Variants in R3HCC1L observed in about 807,000 individuals in gnomAD.
R3HCC1L encodes R3H domain and coiled-coil containing 1 like.
R3HCC1L carries 51 observed loss-of-function variants against 59.9 expected under a neutral mutation model. That is an observed-to-expected ratio of 0.85 (90% CI 0.68 to 1.07). The LOEUF (loss-of-function observed/expected upper bound fraction) is 1.07, where lower values mean the gene tolerates loss of function less well. Ranked by LOEUF, R3HCC1L falls within the 50% of genes least tolerant of loss-of-function variation. The pLI, the probability that R3HCC1L is intolerant of heterozygous loss-of-function variation, is 0.00. For missense variants in R3HCC1L, 965 were observed against 933.0 expected (o/e 1.03, Z -0.45); for synonymous variants, 322 against 315.2 (o/e 1.02, Z -0.23).
At chr10:98,230,907 C>T (rs1370144919) in intron 5 of R3HCC1L, 1 of 179,074 alleles carries the variant, frequency 5.6e-6, no homozygotes, top group African/African-American at 2.4e-5. Context: ...CCTTCACTAG[C>T]CTGCTATATG....
chr10:98,168,740 T>A (rs770922665), intron 4 of R3HCC1L, among the ~76,000 whole-genome samples: 2 of 152,208 alleles, frequency 1.3e-5, no homozygotes, highest in Non-Finnish European at 2.9e-5. Flanking sequence ...CAGTTGGTAT[T>A]TGATGTACAG....
chr10:98,137,539 T>G (rs1318294516), intron 1 of R3HCC1L, among the ~76,000 whole-genome samples: 2 of 152,248 alleles, frequency 1.3e-5, no homozygotes, highest in Non-Finnish European at 2.9e-5. Context: ...TCATCCTTAA[T>G]TCACAAACTT....
At position 98,162,923 on chromosome 10, in the gene R3HCC1L, C is replaced by G. The variant is rs1847583960; in HGVS notation, c.-172C>G. On this transcript the variant is annotated 5_prime_UTR_variant, in exon 3 of 10. The change creates a new upstream start codon in the 5' untranslated region. Coordinates refer to ENST00000298999, the MANE Select transcript of R3HCC1L (RefSeq NM_001351015.2). Reference sequence around the variant, plus strand: ...ATGTTGTCCAGGCTGGTGTCGAAATCCTGAGCTCAAGTGGTCTGCCTGCCT... The same window carrying G: ...ATGTTGTCCAGGCTGGTGTCGAAATGCTGAGCTCAAGTGGTCTGCCTGCCT... 1 of 152,444 alleles carries G rather than the reference C, an allele frequency of 6.6e-6. No individual in the cohort carries two copies. Among genetic ancestry groups the G allele is most frequent in the South Asian group, 2.1e-4 (1 of 4,832 alleles). The allele number at this position is 152,444 out of a possible 1,614,324, so 9.4% of individuals were successfully genotyped here. A position where few individuals can be genotyped will look rare whatever the true frequency, so the allele number is the denominator to read the frequency against.
chr10:98,201,350 C>G (rs879588021), intron 4 of R3HCC1L, among the ~76,000 whole-genome samples: 1 of 152,134 alleles, frequency 6.6e-6, no homozygotes, highest in Non-Finnish European at 1.5e-5. Flanking sequence ...TTTTGCATAT[C>G]ATTTGAAGAG....
chr10:98,144,458 C>T (rs1845462915), intron 1 of R3HCC1L, among the ~76,000 whole-genome samples: 1 of 152,058 alleles, frequency 6.6e-6, no homozygotes, highest in Non-Finnish European at 1.5e-5. Flanking sequence ...TTGTGATCTG[C>T]CCACCTCCGC....
chr10:98,136,367 T>G (rs1025636028), intron 1 of R3HCC1L, among the ~76,000 whole-genome samples: 2 of 152,168 alleles, frequency 1.3e-5, no homozygotes, highest in Non-Finnish European at 2.9e-5. Context: ...TGGAGTATCC[T>G]TATCTGAAAT....
At chr10:98,162,581 T>C (rs1590479427) in intron 2 of R3HCC1L, among the ~76,000 whole-genome samples, 1 of 152,204 alleles carries the variant, frequency 6.6e-6, no homozygotes, top group Admixed American at 6.5e-5. Context: ...CAGCATATAC[T>C]TACTGAGTAT....
intron 4 of R3HCC1L, among the ~76,000 whole-genome samples, chr10:98,177,771 C>G (rs1323995309): frequency 6.6e-6 from 1 of 152,146 alleles, no homozygotes; most frequent in South Asian, 2.1e-4. Flanking sequence ...TTGCATTTTT[C>G]TGATCACCAG....
chr10:98,210,518 T>G (rs1379774903), intron 5 of R3HCC1L, among the ~76,000 whole-genome samples: 1 of 152,200 alleles, frequency 6.6e-6, no homozygotes, highest in Non-Finnish European at 1.5e-5. Flanking sequence ...CTTTTTGTTT[T>G]CTTAATTTAA....
At chr10:98,201,519 C>T (rs1379293778) in intron 4 of R3HCC1L, among the ~76,000 whole-genome samples, 1 of 152,136 alleles carries the variant, frequency 6.6e-6, no homozygotes, top group African/African-American at 2.4e-5. Context: ...GTATTTTCCA[C>T]AAAAATATTT....
At chr10:98,186,185 C>T (rs571253163) in intron 4 of R3HCC1L, among the ~76,000 whole-genome samples, 12 of 151,938 alleles carry the variant, frequency 7.9e-5, no homozygotes, top group African/African-American at 2.9e-4. Context: ...TCATTGAGGC[C>T]GTGGAGGTAA....
rs1052046091 is a variant in R3HCC1L at position 98,211,253 on chromosome 10, G to C, written c.1785+1354G>C. ...CAGCATGAGTATCACCTAGGAACTT[G>C]TTAGAAATTCAAATTATTTAGCCCA... On this transcript the variant is annotated intron_variant, in intron 5 of 9. Coordinates refer to ENST00000298999, the MANE Select transcript of R3HCC1L (RefSeq NM_001351015.2). The C allele has an allele frequency of 2.5e-6, 3 of 1,181,320 alleles. No homozygotes were observed. In the African/African-American group the frequency reaches 4.6e-5, roughly 18 times the overall value. The allele number at this position is 1,181,320 out of a possible 1,614,324, so 73.2% of individuals were successfully genotyped here. A position where few individuals can be genotyped will look rare whatever the true frequency, so the allele number is the denominator to read the frequency against.
At chr10:98,211,295 C>A in intron 5 of R3HCC1L, 1 of 1,480,560 alleles carries the variant, frequency 6.8e-7, no homozygotes, top group Non-Finnish European at 9.1e-7. Context: ...TGTCTATTTA[C>A]AACTTTTTCA....
In R3HCC1L at chr10:98,195,372, T is replaced by A. The variant is rs148885911; in HGVS notation, c.-14-12729T>A. Among the ~76,000 whole-genome samples, 1,117 of 152,174 alleles carry A rather than the reference T, an allele frequency of 7.3e-3. 21 individuals are homozygous for A. Among genetic ancestry groups the A allele is most frequent in the African/African-American group, 0.025 (1,050 of 41,518 alleles). ...TCAGATGAGAAAGTTTAGTGATCTG[T>A]CATACAACAATATGCATATAGTTAA... On this transcript the variant is annotated intron_variant, in intron 4 of 9. Coordinates refer to ENST00000298999, the MANE Select transcript of R3HCC1L (RefSeq NM_001351015.2).
intron 4 of R3HCC1L, among the ~76,000 whole-genome samples, chr10:98,178,960 T>G (rs1240842545): frequency 1.3e-5 from 2 of 152,202 alleles, no homozygotes; most frequent in Admixed American, 1.3e-4. Context: ...AAGGAGATTT[T>G]GGGCTGAGTT....
intron 5 of R3HCC1L, among the ~76,000 whole-genome samples, chr10:98,219,330 T>C (rs1360453036): frequency 6.6e-6 from 1 of 152,220 alleles, no homozygotes; most frequent in Non-Finnish European, 1.5e-5. Context: ...CCAGGCAATA[T>C]GTGTCTACAG....
chr10:98,211,099 A>G (rs971902704), intron 5 of R3HCC1L, among the ~76,000 whole-genome samples: 9 of 152,202 alleles, frequency 5.9e-5, no homozygotes, highest in African/African-American at 1.9e-4. Flanking sequence ...AGAGCGGAGA[A>G]TACCTATGAA....
intron 1 of R3HCC1L, among the ~76,000 whole-genome samples, chr10:98,146,648 C>T (rs764508427): frequency 6.6e-5 from 10 of 152,206 alleles, no homozygotes; most frequent in Non-Finnish European, 1.5e-4. Flanking sequence ...GGATATCATT[C>T]TTTAAAACAT....
At chr10:98,151,328 G>A (rs1245275488) in intron 1 of R3HCC1L, among the ~76,000 whole-genome samples, 1 of 152,128 alleles carries the variant, frequency 6.6e-6, no homozygotes. Context: ...TGTGTCTTGA[G>A]CAATTTATTT....
Sources: gnomAD v4.1 joint callset for allele counts (sites outside exome capture counted in the v4.1 genomes callset) on GRCh38, gnomAD v4.1.1 for gene constraint, MANE v1.5 for transcripts, NCBI Gene and HGNC (gene_info 2026-07-23, HGNC 2026-07-21) for gene names.